Variants in WDR48 observed in about 807,000 individuals in gnomAD.
WDR48 encodes the protein WD repeat domain 48.
Under a neutral mutation model 94.0 loss-of-function variants are expected in WDR48, and 22 were observed. The ratio of observed to expected loss-of-function variants is 0.23; its 90% CI spans 0.17 to 0.33. WDR48 has a LOEUF of 0.33. Among genes scored for constraint, WDR48 ranks in the 10% least tolerant of loss-of-function variants. The probability of loss-of-function intolerance (pLI) is 1.00; values close to 1 mark genes in which losing one functional copy is unlikely to be tolerated. For missense variants in WDR48, 541 were observed against 813.8 expected (o/e 0.66, Z 4.08); for synonymous variants, 278 against 280.5 (o/e 0.99, Z 0.09).
At chr3:39,070,542 T>G (rs2033865982) in intron 7 of WDR48, among the ~76,000 whole-genome samples, 2 of 152,168 alleles carry the variant, frequency 1.3e-5, no homozygotes, top group African/African-American at 4.8e-5. Flanking sequence ...TCTAAGAAAT[T>G]GCTTTAGACA....
rs1050468976 is a variant in WDR48 at position 39,083,595 on chromosome 3, G to A, written c.1174-560G>A. ...GTCATGTGCTGAGGATAATGGGGAAGGTGGCAAGGTCAGAGGTAGAAGAGA... is the reference window on the plus strand; with the variant it reads ...GTCATGTGCTGAGGATAATGGGGAAAGTGGCAAGGTCAGAGGTAGAAGAGA... On this transcript the variant is annotated intron_variant, in intron 11 of 18. Transcript: ENST00000302313. Among the ~76,000 whole-genome samples the A allele has an allele frequency of 5.9e-5, 9 of 152,290 alleles. 1 individual carries two copies. The East Asian group carries it at 1.5e-3, about 26-fold the overall frequency.
intron 13 of WDR48, 79 bp downstream of exon 13, chr3:39,084,820 T>A: frequency 8.0e-7 from 1 of 1,257,716 alleles, no homozygotes; most frequent in Non-Finnish European, 1.1e-6. Context: ...TAAGTACTTA[T>A]CTTTGTAAAA....
At chr3:39,080,039 T>A (rs2034438422) in intron 11 of WDR48, among the ~76,000 whole-genome samples, 1 of 152,158 alleles carries the variant, frequency 6.6e-6, no homozygotes, top group Non-Finnish European at 1.5e-5. Context: ...GCAGACAATC[T>A]TATATGCTGC....
intron 1 of WDR48, among the ~76,000 whole-genome samples, chr3:39,056,007 T>C (rs1468144077): frequency 6.6e-6 from 1 of 152,234 alleles, no homozygotes; most frequent in East Asian, 1.9e-4. Flanking sequence ...ATTAAATCCA[T>C]TTTCCTCTAT....
intron 1 of WDR48, among the ~76,000 whole-genome samples, chr3:39,059,427 T>G (rs1215301277): frequency 6.6e-6 from 1 of 152,124 alleles, no homozygotes; most frequent in Non-Finnish European, 1.5e-5. Context: ...GGATGCAGGG[T>G]CAGAACTAAG....
intron 9 of WDR48, 65 bp downstream of exon 9, chr3:39,077,278 C>T (rs1241088674): frequency 1.6e-5 from 25 of 1,577,030 alleles, no homozygotes; most frequent in Non-Finnish European, 1.8e-5. Flanking sequence ...GACCTGTAGA[C>T]GCCAGTTGCA....
intron 7 of WDR48, 90 bp downstream of exon 7, chr3:39,069,834 A>G: frequency 9.9e-7 from 1 of 1,009,298 alleles, no homozygotes; most frequent in African/African-American, 1.6e-5. Context: ...TTGAACCGAA[A>G]GCCACACTTA....
rs764660247 is a variant in WDR48 at position 39,093,862 on chromosome 3, G to A, written c.1746-12G>A. On this transcript the variant is annotated splice_polypyrimidine_tract_variant and intron_variant, in intron 17 of 18. Transcript: ENST00000302313. ...TTCCCTGATGTCACAATATGCCATT[G>A]CTTTTTTACAGAGATAGACTCTCTG... is the stretch of plus-strand genomic sequence containing the variant. 1 of 1,531,810 alleles carries A rather than the reference G, an allele frequency of 6.5e-7. No homozygotes were observed. Among genetic ancestry groups the A allele is most frequent in the Non-Finnish European group, 8.8e-7 (1 of 1,141,390 alleles). 94.9% of individuals were successfully genotyped at this position (1,531,810 alleles called of 1,614,324 possible).
At chr3:39,090,478 T>C (rs1302955642) in intron 16 of WDR48, 1 of 152,224 alleles carries the variant, frequency 6.6e-6, no homozygotes, top group Non-Finnish European at 1.5e-5. Context: ...ATGTCTTGTT[T>C]AGGTATTTCC....
intron 7 of WDR48, among the ~76,000 whole-genome samples, chr3:39,071,754 G>A (rs926011440): frequency 4.6e-5 from 7 of 151,966 alleles, no homozygotes; most frequent in Admixed American, 4.6e-4. Context: ...GGCAACTATG[G>A]ACTAAATGTA....
chr3:39,075,055 AG>A (rs1559612732), intron 8 of WDR48, 105 bp downstream of exon 8: 1 of 1,129,414 alleles, frequency 8.9e-7, no homozygotes, highest in Non-Finnish European at 1.2e-6. Flanking sequence ...CAGGGTTCGG[AG>A]GGGGAAGGTT....
intron 7 of WDR48, among the ~76,000 whole-genome samples, chr3:39,073,409 C>T (rs1308535275): frequency 6.6e-6 from 1 of 151,996 alleles, no homozygotes; most frequent in African/African-American, 2.4e-5. Context: ...TCTCAAGGGC[C>T]CTTAAAGTCA....
intron 2 of WDR48, among the ~76,000 whole-genome samples, chr3:39,063,966 G>A (rs1385974677): frequency 6.6e-6 from 1 of 152,010 alleles, no homozygotes; most frequent in African/African-American, 2.4e-5. Context: ...AATAAATAAA[G>A]ATAATATAAA....
intron 14 of WDR48, chr3:39,087,904 A>C: frequency 2.0e-6 from 1 of 494,526 alleles, no homozygotes; most frequent in Non-Finnish European, 3.6e-6. Context: ...TTTTATTAAA[A>C]TCCTCTAAAA....
chr3:39,094,656 T>A lies in WDR48; in HGVS notation c.1947T>A (p.Asp649Glu). The change falls in exon 19 of 19, where the codon GAT (aspartate) becomes GAA (glutamate). Residue 649 changes from aspartate (D) to glutamate (E), a missense_variant. Physicochemically the swap from Asp to Glu is conservative, Grantham distance 45. Transcript: ENST00000302313. ...TAATTTTGGCTATTCAGGTTTTGGATCCAAATATGGACCTTCGAACAGTGA... is the reference window on the plus strand; with the variant it reads ...TAATTTTGGCTATTCAGGTTTTGGAACCAAATATGGACCTTCGAACAGTGA... ...IELLCQDQVL[D>E]PNMDLRTVKH... 2.5e-6 allele frequency: 4 copies of A among 1,614,124 alleles called. No homozygotes were observed. Among genetic ancestry groups the A allele is most frequent in the Non-Finnish European group, 3.4e-6 (4 of 1,180,022 alleles).
rs1411430709 is a variant in WDR48, at chr3:39,093,825, A to G, written c.1746-49A>G. The stretch of plus-strand genomic sequence containing the variant: ...AAAGAAAAATAATATGGAATAAATA[A>G]TATCTAGTGATTTCCCTGATGTCAC... On this transcript the variant is annotated intron_variant, in intron 17 of 18. Coordinates refer to ENST00000302313, the MANE Select transcript of WDR48 (RefSeq NM_020839.4). 3 of 1,433,640 alleles carry G rather than the reference A, an allele frequency of 2.1e-6. No individual in the cohort carries two copies. The African/African-American group carries it at 4.3e-5, about 21-fold the overall frequency. 88.8% of individuals were successfully genotyped at this position (1,433,640 alleles called of 1,614,324 possible).
At chr3:39,089,549 A>C in intron 16 of WDR48, 1 of 283,482 alleles carries the variant, frequency 3.5e-6, no homozygotes, top group Non-Finnish European at 6.5e-6. Flanking sequence ...TCAACAAAAT[A>C]ATAAATGAAT....
Position 39,084,475 on chromosome 3 carries a change from G to A in WDR48, c.1282-170G>A, listed in dbSNP as rs185474496. On this transcript the variant is annotated intron_variant, in intron 12 of 18. Transcript: ENST00000302313. ...ATTTAAAAGTTACAAAATGCCTTTG[G>A]TATCCCAGGAAACTAAATTGTGTTG... Among the ~76,000 whole-genome samples the A allele has an allele frequency of 5.3e-5, 8 of 152,176 alleles. No homozygotes were observed. The East Asian group carries it at 9.6e-4, about 18-fold the overall frequency.
At chr3:39,058,681 A>G (rs555232476) in intron 1 of WDR48, among the ~76,000 whole-genome samples, 1 of 152,348 alleles carries the variant, frequency 6.6e-6, no homozygotes, top group African/African-American at 2.4e-5. Context: ...TATGTCTTTT[A>G]TATGCCAGAC....
Sources: gnomAD v4.1 joint callset for allele counts (sites outside exome capture counted in the v4.1 genomes callset) on GRCh38, gnomAD v4.1.1 for gene constraint, MANE v1.5 for transcripts, NCBI Gene and HGNC (gene_info 2026-07-23, HGNC 2026-07-21) for gene names.